Variants in NOL10 observed in about 807,000 individuals in gnomAD.
NOL10 encodes the protein H_NH0074G24.1.
NOL10 carries 58 observed loss-of-function variants against 103.5 expected under a neutral mutation model. The ratio of observed to expected loss-of-function variants is 0.56; its 90% CI spans 0.45 to 0.70. The LOEUF is 0.70. Ranked by LOEUF, NOL10 falls within the 30% of genes least tolerant of loss-of-function variation. The pLI, the probability that NOL10 is intolerant of heterozygous loss-of-function variation, is 0.00. For synonymous variants in NOL10, 287 were observed against 282.5 expected (o/e 1.02, Z -0.16); for missense variants, 763 against 807.3 (o/e 0.95, Z 0.67).
At position 10,682,010 on chromosome 2, in the gene NOL10, T is replaced by C. The variant is rs777464100; in HGVS notation, c.172A>G (p.Ile58Val). ...TACTGTCCATCTTTTGACACCTTAA[T>C]AGTGGTACACACAGTAGGCATTTCA... ...DFEMPTVCTT[I>V]KVSKDGQYIL... is the part of the protein sequence containing the mutation. The change falls in exon 3 of 21, where the codon ATT (isoleucine) becomes GTT (valine). Residue 58 changes from isoleucine (I) to valine (V), a missense_variant. Ile to Val is a conservative substitution (Grantham distance 29). Transcript: ENST00000381685. 8 of 1,522,214 alleles carry C rather than the reference T, an allele frequency of 5.3e-6. No individual in the cohort carries two copies. In the Admixed American group the frequency reaches 5.9e-5, roughly 11 times the overall value. The allele number at this position is 1,522,214 out of a possible 1,614,324, so 94.3% of individuals were successfully genotyped here. A position where few individuals can be genotyped will look rare whatever the true frequency, so the allele number is the denominator to read the frequency against.
intron 13 of NOL10, among the ~76,000 whole-genome samples, chr2:10,625,170 C>A (rs189075783): frequency 2.2e-3 from 335 of 152,244 alleles, no homozygotes; most frequent in African/African-American, 7.7e-3. Context: ...GGTAGGGAGA[C>A]TATTCTATGT....
At chr2:10,611,714 G>A (rs1453001537) in intron 13 of NOL10, among the ~76,000 whole-genome samples, 2 of 152,076 alleles carry the variant, frequency 1.3e-5, no homozygotes, top group East Asian at 1.9e-4. Flanking sequence ...TCAGGAGTTC[G>A]AGACCAGCCT....
intron 12 of NOL10, among the ~76,000 whole-genome samples, chr2:10,645,817 C>T (rs1161140861): frequency 6.6e-6 from 1 of 152,072 alleles, no homozygotes; most frequent in Admixed American, 6.6e-5. Flanking sequence ...GCATGAGCCA[C>T]CGCATCTGGC....
At chr2:10,638,471 T>C (rs951593758) in intron 13 of NOL10, among the ~76,000 whole-genome samples, 7 of 144,436 alleles carry the variant, frequency 4.8e-5, no homozygotes, top group Non-Finnish European at 3.0e-5. Context: ...CATACCCTTA[T>C]AGCTGAATTC....
At chr2:10,680,001 G>A (rs1359684803) in intron 3 of NOL10, among the ~76,000 whole-genome samples, 2 of 151,996 alleles carry the variant, frequency 1.3e-5, no homozygotes, top group African/African-American at 2.4e-5. Flanking sequence ...TAGGCCAGGC[G>A]CAGTGGCTCA....
chr2:10,671,516 A>C lies in NOL10; in HGVS notation c.464+38T>G, dbSNP rs950536956. ...TTTAGGAACAGAAGTTGGTTGTTTT[A>C]GGAGGTGAAAAGGAGAAAAAGGGAC... is the stretch of plus-strand genomic sequence containing the variant. On this transcript the variant is annotated intron_variant, in intron 6 of 20. Transcript: ENST00000381685. 2.1e-6 allele frequency: 3 copies of C among 1,443,006 alleles called. No individual in the cohort carries two copies. The Admixed American group carries it at 7.7e-5, about 37-fold the overall frequency. 89.4% of individuals were successfully genotyped at this position (1,443,006 alleles called of 1,614,324 possible).
intron 13 of NOL10, among the ~76,000 whole-genome samples, chr2:10,610,395 C>T (rs1224522113): frequency 6.6e-6 from 1 of 152,148 alleles, no homozygotes; most frequent in Non-Finnish European, 1.5e-5. Context: ...TGTCAGGGGA[C>T]AGGTCTAGTT....
At position 10,689,847 on chromosome 2, in the gene NOL10, G is replaced by A. The variant is rs549356659; in HGVS notation, c.15C>T (p.Ser5=). ...GGCTGTAAATCTTCACCTCATTGAG[G>A]CTGGAGACCTGCATGGCGCCGCACA... MQVS[S]LNEVKIYSLS... The change falls in exon 1 of 21, where the codon AGC becomes AGT. Residue 5 remains serine (S), a synonymous_variant. Transcript: ENST00000381685. The A allele has an allele frequency of 4.4e-6, 7 of 1,607,330 alleles. No homozygotes were observed. In the African/African-American group the frequency reaches 6.7e-5, roughly 15 times the overall value.
chr2:10,607,121 A>C (rs1038927965), intron 14 of NOL10, 64 bp downstream of exon 14: 9 of 1,212,096 alleles, frequency 7.4e-6, no homozygotes, highest in Non-Finnish European at 1.0e-5. Flanking sequence ...TCTCATGTTC[A>C]AAACTCAAAA....
intron 8 of NOL10, among the ~76,000 whole-genome samples, chr2:10,664,094 A>C (rs1476553819): frequency 6.6e-6 from 1 of 151,338 alleles, no homozygotes; most frequent in Non-Finnish European, 1.5e-5. Context: ...ACTCCTGCCT[A>C]GGCAACAGAG....
chr2:10,655,821 G>A (rs1343837907), intron 11 of NOL10, among the ~76,000 whole-genome samples: 2 of 152,178 alleles, frequency 1.3e-5, no homozygotes, highest in Admixed American at 6.5e-5. Context: ...TGCCCACGGC[G>A]AAAAAGAGCA....
chr2:10,665,056 A>G (rs1049545163), intron 8 of NOL10, among the ~76,000 whole-genome samples: 1 of 152,248 alleles, frequency 6.6e-6, no homozygotes, highest in African/African-American at 2.4e-5. Context: ...ACTACCTTAA[A>G]AGCAAACCCT....
At chr2:10,664,839 T>C (rs1270434440) in intron 8 of NOL10, among the ~76,000 whole-genome samples, 1 of 152,156 alleles carries the variant, frequency 6.6e-6, no homozygotes, top group Non-Finnish European at 1.5e-5. Context: ...CCAGCCAACA[T>C]TTGTGTTTTT....
At chr2:10,652,239 CAAA>C (rs58611799) in intron 12 of NOL10, among the ~76,000 whole-genome samples, 8 of 144,228 alleles carry the variant, frequency 5.5e-5, no homozygotes, top group Admixed American at 7.1e-5. Flanking sequence ...GACTCTGTCT[CAAA>C]AAAAAAAAAG....
chr2:10,622,097 A>G, intron 13 of NOL10: 2 of 471,418 alleles, frequency 4.2e-6, no homozygotes, highest in South Asian at 3.1e-5. Context: ...GTCATCACAG[A>G]AACGCTGGTG....
rs750585565 is a variant in NOL10 at position 10,659,179 on chromosome 2, G to C, written c.749C>G (p.Thr250Arg). The C allele has an allele frequency of 2.6e-5, 42 of 1,599,122 alleles. No individual in the cohort carries two copies. The East Asian group carries it at 8.5e-4, about 32-fold the overall frequency. ...GALTMAVGTT[T>R]GQVLLYDLRS... ...CAAATTAAACATATTTACCTGCCCTGTGGTTGTTCCAACTGCCATGGTCAA... is the reference window on the plus strand; with the variant it reads ...CAAATTAAACATATTTACCTGCCCTCTGGTTGTTCCAACTGCCATGGTCAA... The change falls in exon 10 of 21, where the codon ACA becomes AGA. Residue 250 changes from threonine (T) to arginine (R), a missense_variant. Physicochemically the swap from Thr to Arg is moderately conservative, Grantham distance 71. Transcript: ENST00000381685.
chr2:10,573,480 C>T (rs1477344211), intron 20 of NOL10, among the ~76,000 whole-genome samples: 2 of 152,142 alleles, frequency 1.3e-5, no homozygotes, highest in Admixed American at 1.3e-4. Flanking sequence ...GCGTGCGCCA[C>T]CGTGCCCAGC....
At chr2:10,592,287 C>T (rs945521589) in intron 17 of NOL10, among the ~76,000 whole-genome samples, 10 of 152,186 alleles carry the variant, frequency 6.6e-5, no homozygotes, top group African/African-American at 2.2e-4. Context: ...TTCTCTCAAA[C>T]ATGTAGCTTA....
At chr2:10,626,764 T>TC (rs200678374) in intron 13 of NOL10, among the ~76,000 whole-genome samples, 30,243 of 151,924 alleles carry the variant, frequency 0.2, 3,911 homozygotes, top group Non-Finnish European at 0.29. Context: ...TAGGAAGTTG[T>TC]CATTTATTTT....
Sources: gnomAD v4.1 joint callset for allele counts (sites outside exome capture counted in the v4.1 genomes callset) on GRCh38, gnomAD v4.1.1 for gene constraint, MANE v1.5 for transcripts, NCBI Gene and HGNC (gene_info 2026-07-23, HGNC 2026-07-21) for gene names.